SIPA1L1: variants seen among roughly 807,000 people sequenced by gnomAD.
SIPA1L1 encodes signal induced proliferation associated 1 like 1, also known as signal-induced proliferation-associated 1-like protein 1.
SIPA1L1 carries 26 observed loss-of-function variants against 162.7 expected under a neutral mutation model. The observed-to-expected ratio is 0.16, with a 90% CI of 0.12 to 0.22. SIPA1L1 has a LOEUF of 0.22. SIPA1L1 is among the 10% of genes least tolerant of loss of function. The pLI is 1.00. For synonymous variants in SIPA1L1, 829 were observed against 837.4 expected, an observed-to-expected ratio of 0.99 and a Z score of 0.17; for missense variants, 1,874 against 2,241.0, an observed-to-expected ratio of 0.84 and a Z score of 3.31.
chr14:71,644,301 T>C (rs1205037340), intron 7 of SIPA1L1, among the ~76,000 whole-genome samples: 3 of 152,240 alleles, frequency 2.0e-5, no homozygotes, highest in Non-Finnish European at 4.4e-5. Flanking sequence ...GGCACAATCA[T>C]GTAATCATGG....
intron 2 of SIPA1L1, among the ~76,000 whole-genome samples, chr14:71,483,996 G>C (rs547850805): frequency 3.3e-5 from 5 of 152,298 alleles, no homozygotes; most frequent in African/African-American, 1.2e-4. Flanking sequence ...TACGATGTTT[G>C]TCTGTTCATA....
intron 2 of SIPA1L1, chr14:71,398,459 A>G (rs551666218): frequency 3.7e-4 from 56 of 152,328 alleles, no homozygotes; most frequent in African/African-American, 1.3e-3. Context: ...ACTCACTTAA[A>G]CTACCTGATA....
intron 5 of SIPA1L1, among the ~76,000 whole-genome samples, chr14:71,615,554 G>A (rs985513047): frequency 6.6e-6 from 1 of 152,244 alleles, no homozygotes; most frequent in Non-Finnish European, 1.5e-5. Flanking sequence ...GGAATTCACA[G>A]AGTATGGCAG....
At chr14:71,403,651 A>G (rs1345411760) in intron 2 of SIPA1L1, among the ~76,000 whole-genome samples, 2 of 151,268 alleles carry the variant, frequency 1.3e-5, no homozygotes, top group African/African-American at 2.4e-5. Context: ...TTCACATTCT[A>G]CTTTTTTAAA....
At chr14:71,576,981 G>A (rs2033129807) in intron 4 of SIPA1L1, among the ~76,000 whole-genome samples, 1 of 151,512 alleles carries the variant, frequency 6.6e-6, no homozygotes, top group Non-Finnish European at 1.5e-5. Flanking sequence ...CACTCGGGTG[G>A]CTGAGGCAGG....
At chr14:71,381,376 T>C (rs2039889558) in intron 2 of SIPA1L1, among the ~76,000 whole-genome samples, 1 of 152,142 alleles carries the variant, frequency 6.6e-6, no homozygotes, top group Non-Finnish European at 1.5e-5. Context: ...TTAATGAGTT[T>C]GGAATCCCCC....
At chr14:71,352,162 C>T (rs1443265430) in intron 2 of SIPA1L1, among the ~76,000 whole-genome samples, 1 of 151,850 alleles carries the variant, frequency 6.6e-6, no homozygotes, top group African/African-American at 2.4e-5. Context: ...GCAGAAAGCA[C>T]AAATGTACCA....
intron 2 of SIPA1L1, among the ~76,000 whole-genome samples, chr14:71,343,659 A>T (rs1340171462): frequency 1.3e-5 from 2 of 152,150 alleles, no homozygotes; most frequent in Non-Finnish European, 2.9e-5. Flanking sequence ...CAAGCAGAAC[A>T]GAGCTCTGTC....
chr14:71,439,188 A>G (rs990338105), intron 2 of SIPA1L1, among the ~76,000 whole-genome samples: 2 of 152,180 alleles, frequency 1.3e-5, no homozygotes, highest in Non-Finnish European at 2.9e-5. Flanking sequence ...CTGGCTTCTC[A>G]GGCTTCATTG....
intron 4 of SIPA1L1, among the ~76,000 whole-genome samples, chr14:71,555,340 T>A (rs1369330554): frequency 6.6e-6 from 1 of 152,234 alleles, no homozygotes; most frequent in East Asian, 1.9e-4. Flanking sequence ...CGAAACCTGA[T>A]GAACCAATGT....
chr14:71,436,095 TGAACATACTATC>T (rs72171872), intron 2 of SIPA1L1, among the ~76,000 whole-genome samples: 24,857 of 152,200 alleles, frequency 0.16, 2,624 homozygotes, highest in Middle Eastern at 0.35. Flanking sequence ...TAAGTGAGGT[TGAACATACTATC>T]GTGTGCTTAA....
At chr14:71,658,588 A>G (rs1464179545) in intron 9 of SIPA1L1, 152 bp downstream of exon 9, 7 of 651,688 alleles carry the variant, frequency 1.1e-5, no homozygotes, top group Non-Finnish European at 1.4e-5. Context: ...AAGGAATAGC[A>G]AATGAACTGA....
At chr14:71,470,754 G>T (rs1256627232) in intron 2 of SIPA1L1, among the ~76,000 whole-genome samples, 1 of 152,068 alleles carries the variant, frequency 6.6e-6, no homozygotes, top group Non-Finnish European at 1.5e-5. Flanking sequence ...TTTAATAGGG[G>T]TTGGAAAAAT....
intron 2 of SIPA1L1, among the ~76,000 whole-genome samples, chr14:71,467,699 TACCTCTGGCA>T (rs2047109245): frequency 6.6e-6 from 1 of 152,004 alleles, no homozygotes; most frequent in South Asian, 2.1e-4. Context: ...GTTTAGTGCA[TACCTCTGGCA>T]CCAGACTGTC....
At chr14:71,702,345 CT>C in intron 14 of SIPA1L1, 35 bp from the exon 15 acceptor site, 1 of 1,612,508 alleles carries the variant, frequency 6.2e-7, no homozygotes, top group African/African-American at 1.3e-5. Flanking sequence ...GGTAAGGTCC[CT>C]GATGTTGTCT....
rs1436564796 is a variant in SIPA1L1 at position 71,685,471 on chromosome 14, G to A, written c.3214G>A (p.Ala1072Thr). The A allele has an allele frequency of 3.7e-6, 6 of 1,614,200 alleles. No individual in the cohort carries two copies. The highest frequency in any genetic ancestry group is 4.2e-6 in the Non-Finnish European group (5 of 1,180,032). The change falls in exon 13 of 24, where the codon GCC (alanine) becomes ACC (threonine). Residue 1072 changes from alanine to threonine, a missense_variant. By Grantham distance (58) the Ala-to-Thr change is moderately conservative. Transcript: ENST00000381232. ...AAATAATAACAAGTGGCAGAGGAAC[G>A]CCAGCAAGGGGCCTCATTCACCTCA... ...FRNNNKWQRNASKGPHSPQVP... is the reference protein window; with the variant it reads ...FRNNNKWQRNTSKGPHSPQVP...
intron 2 of SIPA1L1, among the ~76,000 whole-genome samples, chr14:71,333,686 C>G (rs928028464): frequency 6.6e-6 from 1 of 152,278 alleles, no homozygotes; most frequent in Non-Finnish European, 1.5e-5. Context: ...CGTTCTCATC[C>G]TAGGGATACA....
intron 2 of SIPA1L1, among the ~76,000 whole-genome samples, chr14:71,339,825 A>G (rs1333236776): frequency 6.6e-6 from 1 of 152,108 alleles, no homozygotes; most frequent in Non-Finnish European, 1.5e-5. Context: ...TTTGTGTCAC[A>G]TTATTGCTAA....
At chr14:71,618,686 C>A in intron 5 of SIPA1L1, 71 bp from the exon 6 acceptor site, 1 of 1,395,076 alleles carries the variant, frequency 7.2e-7, no homozygotes, top group Non-Finnish European at 9.8e-7. Context: ...ACCTTAAATA[C>A]TGAGCAGAAT....
Sources: gnomAD v4.1 joint callset for allele counts (sites outside exome capture counted in the v4.1 genomes callset) on GRCh38, gnomAD v4.1.1 for gene constraint, MANE v1.5 for transcripts, NCBI Gene and HGNC (gene_info 2026-07-23, HGNC 2026-07-21) for gene names.